Variants in RIGI observed in about 807,000 individuals in gnomAD.
The protein encoded by RIGI is RNA sensor RIG-I.
At chr9:32,472,520 G>A in the RIGI span, among the ~76,000 whole-genome samples, 1 of 152,212 alleles carries the variant, frequency 6.6e-6, no homozygotes, top group South Asian at 2.1e-4. Context: ...CTTTAAGTCA[G>A]ATCAAAAGAG....
At chr9:32,500,203 T>C in the RIGI span, among the ~76,000 whole-genome samples, 1 of 152,208 alleles carries the variant, frequency 6.6e-6, no homozygotes, top group Non-Finnish European at 1.5e-5. Flanking sequence ...GTCTTGACTA[T>C]TGTTGGGTCG....
chr9:32,516,482 A>G, the RIGI span, among the ~76,000 whole-genome samples: 5 of 152,062 alleles, frequency 3.3e-5, no homozygotes, highest in Non-Finnish European at 7.4e-5. Context: ...GCAACTGCCC[A>G]CCCAATTTTG....
At chr9:32,504,318 A>G in the RIGI span, among the ~76,000 whole-genome samples, 20,455 of 152,076 alleles carry the variant, frequency 0.13, 1,449 homozygotes, top group Middle Eastern at 0.29. Context: ...ATGAGTCAAA[A>G]GTTTTATATC....
chr9:32,483,283 C>G, the RIGI span, among the ~76,000 whole-genome samples: 1 of 152,164 alleles, frequency 6.6e-6, no homozygotes, highest in African/African-American at 2.4e-5. Context: ...GCTACCCAAA[C>G]AAGTAGTATT....
chr9:32,486,589 A>G, the RIGI span, among the ~76,000 whole-genome samples: 1 of 151,932 alleles, frequency 6.6e-6, no homozygotes, highest in Non-Finnish European at 1.5e-5. Flanking sequence ...AAGAGTAGTC[A>G]TGTATATTCC....
chr9:32,498,253 G>T, the RIGI span: 1 of 456,614 alleles, frequency 2.2e-6, no homozygotes, highest in Non-Finnish European at 4.4e-6. Context: ...TCCACCCTTG[G>T]ATCTTGCTAA....
the RIGI span, among the ~76,000 whole-genome samples, chr9:32,500,191 G>A: frequency 6.6e-6 from 1 of 152,120 alleles, no homozygotes; most frequent in Non-Finnish European, 1.5e-5. Context: ...TTCTTTAGGG[G>A]TGTCTTGACT....
At chr9:32,467,059 G>T in the RIGI span, among the ~76,000 whole-genome samples, 3 of 152,186 alleles carry the variant, frequency 2.0e-5, no homozygotes, top group East Asian at 5.8e-4. Context: ...TGCCAGCTGG[G>T]AGGATTAGGG....
At chr9:32,520,896 A>C in the RIGI span, among the ~76,000 whole-genome samples, 3 of 150,972 alleles carry the variant, frequency 2.0e-5, no homozygotes, top group African/African-American at 7.3e-5. Context: ...CTGTAATCCC[A>C]GCACTTTGGG....
At chr9:32,459,692 T>C in the RIGI span, among the ~76,000 whole-genome samples, 2 of 152,220 alleles carry the variant, frequency 1.3e-5, no homozygotes, top group African/African-American at 4.8e-5. Context: ...TTCTCCTAAC[T>C]TAGTATTAGT....
the RIGI span, chr9:32,476,884 A>G: frequency 9.4e-7 from 1 of 1,060,166 alleles, no homozygotes; most frequent in South Asian, 1.9e-5. Flanking sequence ...GATTTCCCAA[A>G]CTTCTGGGAT....
the RIGI span, among the ~76,000 whole-genome samples, chr9:32,480,626 G>A: frequency 2.0e-5 from 3 of 152,170 alleles, no homozygotes; most frequent in East Asian, 1.9e-4. Context: ...AAAACTGCAC[G>A]AAAAACACAT....
chr9:32,484,936 T>G, the RIGI span, among the ~76,000 whole-genome samples: 17 of 152,142 alleles, frequency 1.1e-4, no homozygotes, highest in African/African-American at 4.1e-4. Flanking sequence ...GACTTAAGTA[T>G]GGTTATTTTT....
At chr9:32,457,017 A>G in the RIGI span, 12 of 849,958 alleles carry the variant, frequency 1.4e-5, no homozygotes, top group Non-Finnish European at 2.2e-5. Context: ...TTTAAAAAAT[A>G]TATTTTCACA....
At chr9:32,513,618 A>G in the RIGI span, among the ~76,000 whole-genome samples, 1 of 152,240 alleles carries the variant, frequency 6.6e-6, no homozygotes, top group East Asian at 1.9e-4. Context: ...CTAAAACCAT[A>G]AAGTCCCTAG....
At chr9:32,524,494 T>G in the RIGI span, among the ~76,000 whole-genome samples, 1 of 152,152 alleles carries the variant, frequency 6.6e-6, no homozygotes, top group South Asian at 2.1e-4. Context: ...GTTGCCGGTC[T>G]TAACGCCATT....
chr9:32,497,070 C>G, the RIGI span, among the ~76,000 whole-genome samples: 1 of 152,042 alleles, frequency 6.6e-6, no homozygotes, highest in Non-Finnish European at 1.5e-5. Flanking sequence ...ATAATTTTTT[C>G]TATTTCTACA....
chr9:32,525,350 G>T, the RIGI span, among the ~76,000 whole-genome samples: 14 of 152,154 alleles, frequency 9.2e-5, no homozygotes, highest in African/African-American at 2.7e-4. Context: ...TCTACAGCTG[G>T]GATTACAGCG....
At chr9:32,487,517 T>C in the RIGI span, 1 of 1,614,068 alleles carries the variant, frequency 6.2e-7, no homozygotes, top group East Asian at 2.2e-5. Flanking sequence ...CCAGATTGTG[T>C]TTGACTGTTG....
Sources: gnomAD v4.1 joint callset for allele counts (sites outside exome capture counted in the v4.1 genomes callset) on GRCh38, gnomAD v4.1.1 for gene constraint, MANE v1.5 for transcripts, NCBI Gene and HGNC (gene_info 2026-07-23, HGNC 2026-07-21) for gene names.